The following TBC1D30 variants were observed in gnomAD, a reference collection of about 807,000 sequenced individuals.
The protein encoded by TBC1D30 is TBC1 domain family member 30.
TBC1D30 carries 31 observed loss-of-function variants against 63.2 expected under a neutral mutation model. That is an observed-to-expected ratio of 0.49 (90% CI 0.37 to 0.66). The LOEUF (loss-of-function observed/expected upper bound fraction) is 0.66, where lower values mean the gene tolerates loss of function less well. Among genes scored for constraint, TBC1D30 ranks in the 30% least tolerant of loss-of-function variants. TBC1D30 has a pLI of 0.00. For synonymous variants in TBC1D30, 307 were observed against 361.5 expected, an observed-to-expected ratio of 0.85 and a Z score of 1.71; for missense variants, 810 against 953.6, an observed-to-expected ratio of 0.85 and a Z score of 1.98.
chr12:64,762,962 T>G (rs568470458), intron 1 of TBC1D30, among the ~76,000 whole-genome samples: 15 of 152,284 alleles, frequency 9.9e-5, no homozygotes, highest in African/African-American at 3.6e-4. Context: ...TTTCGTGACA[T>G]TCTGCATTTT....
chr12:64,844,046 G>C (rs370762786), intron 8 of TBC1D30, among the ~76,000 whole-genome samples: 4 of 151,998 alleles, frequency 2.6e-5, no homozygotes, highest in African/African-American at 7.3e-5. Context: ...CTCCCACTGC[G>C]GCCTTCCTAA....
chr12:64,845,357 C>G (rs913009448), intron 8 of TBC1D30, among the ~76,000 whole-genome samples: 1 of 152,130 alleles, frequency 6.6e-6, no homozygotes, highest in African/African-American at 2.4e-5. Flanking sequence ...TTGCATTTTT[C>G]TGATGATCAG....
At chr12:64,780,692 G>A in exon 1 of TBC1D30, 2 of 943,728 alleles carry the variant, frequency 2.1e-6, no homozygotes, top group Non-Finnish European at 2.5e-6. Flanking sequence ...AGAGCCCGCT[G>A]GCGCCGCGCC....
chr12:64,830,604 T>C lies in TBC1D30; in HGVS notation c.408+102T>C, dbSNP rs1874769393. 4.5e-6 allele frequency: 5 copies of C among 1,101,808 alleles called. No homozygotes were observed. In the Middle Eastern group the frequency reaches 6.4e-4, roughly 140 times the overall value. The allele number at this position is 1,101,808 out of a possible 1,614,324, so 68.3% of individuals were successfully genotyped here. A position where few individuals can be genotyped will look rare whatever the true frequency, so the allele number is the denominator to read the frequency against. On this transcript the variant is annotated intron_variant, in intron 4 of 11. Coordinates refer to ENST00000539867, the MANE Select transcript of TBC1D30 (RefSeq NM_015279.2). ...ATCAAATGATCTCTACCTTCTGGTT[T>C]GAATGTCTGTATATTTTCTGCCTTC...
In TBC1D30 at chr12:64,877,202, C is replaced by T. The variant is rs1472246828; in HGVS notation, c.*1414C>T. On this transcript the variant is annotated 3_prime_UTR_variant, in exon 12 of 12. Transcript: ENST00000539867. ...AATGCTTCATGCACCTGTTATTTGG[C>T]TGAACAGAAGGCTCACTCCTCAATC... The T allele has an allele frequency of 4.6e-6, 1 of 217,284 alleles. No homozygotes were observed. The highest frequency in any genetic ancestry group is 2.3e-5 in the African/African-American group (1 of 43,876). The allele number at this position is 217,284 out of a possible 1,614,324, so 13.5% of individuals were successfully genotyped here.
chr12:64,872,025 TTTTG>T (rs766373252), intron 11 of TBC1D30, among the ~76,000 whole-genome samples: 24 of 152,202 alleles, frequency 1.6e-4, no homozygotes, highest in South Asian at 6.2e-4. Flanking sequence ...AAATACAGTT[TTTTG>T]TTTGTTTGTT....
At chr12:64,798,475 T>C (rs1194458142) in intron 2 of TBC1D30, among the ~76,000 whole-genome samples, 1 of 152,160 alleles carries the variant, frequency 6.6e-6, no homozygotes. Context: ...TTTTATGAAA[T>C]TGGAGGAAAA....
At chr12:64,860,018 T>C (rs1877645759) in intron 8 of TBC1D30, among the ~76,000 whole-genome samples, 4 of 131,916 alleles carry the variant, frequency 3.0e-5, no homozygotes. Context: ...ATTCTTCTTC[T>C]TTTTTTTTTT....
chr12:64,820,295 T>C, upstream of TBC1D30, among the ~76,000 whole-genome samples: 1 of 152,116 alleles, frequency 6.6e-6, no homozygotes, highest in Admixed American at 6.5e-5. Context: ...CTTCTCCCAT[T>C]AAAGGAAAAG....
At chr12:64,786,620 C>T (rs1197459925) in intron 2 of TBC1D30, among the ~76,000 whole-genome samples, 4 of 152,110 alleles carry the variant, frequency 2.6e-5, no homozygotes, top group Non-Finnish European at 4.4e-5. Flanking sequence ...GGATTACAGG[C>T]GTGAGCCCCT....
chr12:64,853,021 G>A (rs574278768), intron 8 of TBC1D30, among the ~76,000 whole-genome samples: 12 of 152,248 alleles, frequency 7.9e-5, no homozygotes, highest in Admixed American at 6.5e-4. Context: ...AGCACTGTGC[G>A]GAGAGATCCA....
At chr12:64,841,252 C>T (rs1266330109) in intron 7 of TBC1D30, among the ~76,000 whole-genome samples, 1 of 152,212 alleles carries the variant, frequency 6.6e-6, no homozygotes, top group Non-Finnish European at 1.5e-5. Context: ...TTTCACCTGA[C>T]TTCTGCAACT....
rs544947447 is a variant in TBC1D30, at chr12:64,839,783, G to A, written c.932+932G>A. Among the ~76,000 whole-genome samples the A allele has an allele frequency of 2.6e-5, 4 of 152,052 alleles. No homozygotes were observed. In the East Asian group the frequency reaches 5.8e-4, roughly 22 times the overall value. On this transcript the variant is annotated intron_variant, in intron 7 of 11. Coordinates refer to ENST00000539867, the MANE Select transcript of TBC1D30 (RefSeq NM_015279.2). ...GCACTTTGGGAGGCTGAGGCAGTGG[G>A]TCACGAGTTCAGGAGATCGAGACCA...
chr12:64,785,854 G>A (rs913163871), intron 1 of TBC1D30: 26 of 1,280,904 alleles, frequency 2.0e-5, no homozygotes, highest in East Asian at 1.1e-4. Context: ...GGTATTAATC[G>A]TTATTCTTAT....
At chr12:64,858,877 G>C (rs537035741) in intron 8 of TBC1D30, among the ~76,000 whole-genome samples, 1 of 152,292 alleles carries the variant, frequency 6.6e-6, no homozygotes, top group African/African-American at 2.4e-5. Context: ...GTGCAGAGGG[G>C]CTGGGGGCTG....
chr12:64,874,473 C>CT (rs1396856740), intron 11 of TBC1D30, among the ~76,000 whole-genome samples: 2 of 152,198 alleles, frequency 1.3e-5, no homozygotes, highest in Admixed American at 6.5e-5. Context: ...ACCTGTAGGG[C>CT]TAGATGCTGG....
At chr12:64,823,589 AG>A (rs1874026197), upstream of TBC1D30, among the ~76,000 whole-genome samples, 1 of 152,186 alleles carries the variant, frequency 6.6e-6, no homozygotes, top group Non-Finnish European at 1.5e-5. Context: ...GACTTCCCAA[AG>A]TGCTAGGAAT....
chr12:64,816,252 C>T (rs146168769), intron 2 of TBC1D30, among the ~76,000 whole-genome samples: 5,728 of 152,118 alleles, frequency 0.038, 116 homozygotes, highest in Non-Finnish European at 0.052. Flanking sequence ...AGGCTGGTCT[C>T]GAATTCCTGA....
chr12:64,783,649 T>G (rs1871401340), intron 1 of TBC1D30, among the ~76,000 whole-genome samples: 1 of 151,700 alleles, frequency 6.6e-6, no homozygotes, highest in African/African-American at 2.4e-5. Context: ...AAAAGACATT[T>G]TCACCCTCAA....
Sources: allele counts gnomAD v4.1 joint callset (sites outside exome capture counted in the v4.1 genomes callset), GRCh38; gene constraint gnomAD v4.1.1; transcripts MANE v1.5; gene names NCBI Gene and HGNC (gene_info 2026-07-23, HGNC 2026-07-21).